The following VAPA variants were observed in gnomAD, a reference collection of about 807,000 sequenced individuals.
VAPA encodes vesicle-associated membrane protein-associated protein A.
In VAPA, 6 loss-of-function variants were observed where a neutral mutation model predicts 25.6. That is an observed-to-expected ratio of 0.23 (90% CI 0.13 to 0.46). The LOEUF (loss-of-function observed/expected upper bound fraction) is 0.46, where lower values mean the gene tolerates loss of function less well. VAPA is among the 20% of genes least tolerant of loss of function. VAPA has a pLI of 0.99. For synonymous variants in VAPA, 112 were observed against 106.2 expected (o/e 1.05, Z -0.34); for missense variants, 244 against 302.1 (o/e 0.81, Z 1.43).
At chr18:9,946,740 G>T (rs948090315) in intron 4 of VAPA, among the ~76,000 whole-genome samples, 1 of 152,008 alleles carries the variant, frequency 6.6e-6, no homozygotes, top group African/African-American at 2.4e-5. Flanking sequence ...GAAGGCCTAG[G>T]ACATTACTGT....
Position 9,914,136 on chromosome 18 carries a change from C to A in VAPA, c.-121C>A. The A allele has an allele frequency of 1.2e-6, 1 of 830,966 alleles. No homozygotes were observed. Among genetic ancestry groups the A allele is most frequent in the African/African-American group, 1.8e-5 (1 of 54,732 alleles). The allele number at this position is 830,966 out of a possible 1,614,324, so 51.5% of individuals were successfully genotyped here. A position where few individuals can be genotyped will look rare whatever the true frequency, so the allele number is the denominator to read the frequency against. ...GGTGACACAGCGGCAGGCGTTAGGG[C>A]TCGGGAGCCGCGAGCCTGGCCTCGT... On this transcript the variant is annotated 5_prime_UTR_variant, in exon 1 of 6. Coordinates refer to ENST00000400000, the MANE Select transcript of VAPA (RefSeq NM_194434.3).
At chr18:9,942,496 A>G (rs1402381774) in intron 4 of VAPA, among the ~76,000 whole-genome samples, 1 of 152,046 alleles carries the variant, frequency 6.6e-6, no homozygotes, top group African/African-American at 2.4e-5. Flanking sequence ...ATCTCTTTGC[A>G]GAAAGAAGTA....
intron 4 of VAPA, among the ~76,000 whole-genome samples, chr18:9,943,148 G>C (rs930975366): frequency 6.6e-6 from 1 of 152,154 alleles, no homozygotes; most frequent in Non-Finnish European, 1.5e-5. Context: ...GTGAAAAATG[G>C]AGCCAGCTTT....
At chr18:9,934,251 T>A (rs906638744) in intron 2 of VAPA, among the ~76,000 whole-genome samples, 1 of 152,054 alleles carries the variant, frequency 6.6e-6, no homozygotes, top group African/African-American at 2.4e-5. Flanking sequence ...TTGAATTTGC[T>A]TCAATTTGTG....
intron 4 of VAPA, 189 bp from the exon 5 acceptor site, chr18:9,950,206 C>T (rs760112698): frequency 2.5e-5 from 14 of 560,584 alleles, no homozygotes; most frequent in South Asian, 1.3e-4. Context: ...GGTAGAGGTA[C>T]GTGCCAGGGA....
intron 1 of VAPA, among the ~76,000 whole-genome samples, chr18:9,923,101 G>T (rs1261117152): frequency 1.3e-5 from 2 of 152,168 alleles, no homozygotes; most frequent in East Asian, 3.9e-4. Context: ...TATCATTTTT[G>T]CTGACTTATG....
intron 1 of VAPA, among the ~76,000 whole-genome samples, chr18:9,924,340 A>C (rs907543140): frequency 6.6e-6 from 1 of 152,212 alleles, no homozygotes; most frequent in Non-Finnish European, 1.5e-5. Context: ...AGTAGCATGC[A>C]CTAATTTCAC....
intron 1 of VAPA, among the ~76,000 whole-genome samples, chr18:9,919,332 A>C (rs1229257662): frequency 6.6e-6 from 1 of 152,198 alleles, no homozygotes; most frequent in Non-Finnish European, 1.5e-5. Flanking sequence ...TTTAAAATTC[A>C]TTCAATTATG....
chr18:9,933,226 A>G (rs56039677), intron 2 of VAPA, among the ~76,000 whole-genome samples: 10,993 of 152,202 alleles, frequency 0.072, 438 homozygotes, highest in South Asian at 0.14. Context: ...AACCCAGGGT[A>G]GGCTCATTGA....
At chr18:9,919,382 G>A (rs1425354647) in intron 1 of VAPA, among the ~76,000 whole-genome samples, 1 of 152,090 alleles carries the variant, frequency 6.6e-6, no homozygotes, top group African/African-American at 2.4e-5. Flanking sequence ...CTACATGTCA[G>A]GTATGATGAA....
In VAPA at chr18:9,936,556, A is replaced by C. The variant is rs952295085; in HGVS notation, c.336+343A>C. 4.0e-5 allele frequency: 8 copies of C among 199,504 alleles called. No homozygotes were observed. In the East Asian group the frequency reaches 9.9e-4, roughly 25 times the overall value. 12.4% of individuals were successfully genotyped at this position (199,504 alleles called of 1,614,324 possible). On this transcript the variant is annotated intron_variant, in intron 3 of 5. Transcript: ENST00000400000. ...AGACCCTGTCTCTACAAAAACAAACAAACAAACAAACAAAAAACAAAAAAA... is the reference window on the plus strand; with the variant it reads ...AGACCCTGTCTCTACAAAAACAAACCAACAAACAAACAAAAAACAAAAAAA...
intron 5 of VAPA, among the ~76,000 whole-genome samples, chr18:9,952,412 C>G (rs1181902524): frequency 6.6e-6 from 1 of 151,932 alleles, no homozygotes; most frequent in African/African-American, 2.4e-5. Flanking sequence ...ATTAAAAATA[C>G]AAAAATTATC....
At chr18:9,916,283 A>G (rs8090773) in intron 1 of VAPA, among the ~76,000 whole-genome samples, 3,649 of 152,328 alleles carry the variant, frequency 0.024, 55 homozygotes, top group Middle Eastern at 0.071. Flanking sequence ...CTATGATTAT[A>G]GAACTCATTG....
At chr18:9,919,736 A>G (rs561822154) in intron 1 of VAPA, among the ~76,000 whole-genome samples, 5 of 152,348 alleles carry the variant, frequency 3.3e-5, no homozygotes, top group South Asian at 4.1e-4. Flanking sequence ...TAGTAGGTCA[A>G]GTTAGGAGTT....
chr18:9,953,672 C>A (rs1212786610), intron 5 of VAPA, among the ~76,000 whole-genome samples: 1 of 152,098 alleles, frequency 6.6e-6, no homozygotes, highest in African/African-American at 2.4e-5. Context: ...CTTGGAAGTA[C>A]TCTTCTTTAA....
intron 2 of VAPA, among the ~76,000 whole-genome samples, chr18:9,932,472 A>G (rs2069265564): frequency 6.6e-6 from 1 of 152,036 alleles, no homozygotes; most frequent in African/African-American, 2.4e-5. Flanking sequence ...CTACTCTCTT[A>G]TGTGTTTACT....
rs774119951 is a variant in VAPA at position 9,956,705 on chromosome 18, T to C, written c.*2494T>C. The C allele has an allele frequency of 2.6e-5, 4 of 152,638 alleles. No individual in the cohort carries two copies. The highest frequency in any genetic ancestry group is 4.4e-5 in the Non-Finnish European group (3 of 68,032). The allele number at this position is 152,638 out of a possible 1,614,324, so 9.5% of individuals were successfully genotyped here. On this transcript the variant is annotated 3_prime_UTR_variant, in exon 6 of 6. Coordinates refer to ENST00000400000, the MANE Select transcript of VAPA (RefSeq NM_194434.3). ...TTAATTGACTGATAATATGATAATA[T>C]AGAGATTAAATTGTTTGTCTTCATT...
intron 4 of VAPA, among the ~76,000 whole-genome samples, chr18:9,946,533 C>G (rs764135732): frequency 6.6e-6 from 1 of 150,508 alleles, no homozygotes; most frequent in Non-Finnish European, 1.5e-5. Flanking sequence ...TTATGTGTGG[C>G]CCAAGACAAT....
At chr18:9,940,260 T>C (rs2069353492) in intron 4 of VAPA, among the ~76,000 whole-genome samples, 1 of 152,170 alleles carries the variant, frequency 6.6e-6, no homozygotes, top group Admixed American at 6.5e-5. Flanking sequence ...GTAAGGAGAC[T>C]TTTTAAATTG....
Sources: gnomAD v4.1 joint callset for allele counts (sites outside exome capture counted in the v4.1 genomes callset) on GRCh38, gnomAD v4.1.1 for gene constraint, MANE v1.5 for transcripts, NCBI Gene and HGNC (gene_info 2026-07-23, HGNC 2026-07-21) for gene names.